The following MYRIP variants were observed in gnomAD, a reference collection of about 807,000 sequenced individuals.
MYRIP encodes rab effector MyRIP.
Under a neutral mutation model 98.0 loss-of-function variants are expected in MYRIP, and 49 were observed. That is an observed-to-expected ratio of 0.50 (90% CI 0.40 to 0.63). MYRIP has a LOEUF of 0.63. Among genes scored for constraint, MYRIP ranks in the 30% least tolerant of loss-of-function variants. MYRIP has a pLI of 0.00. For missense variants in MYRIP, 1,004 were observed against 1,058.2 expected, an observed-to-expected ratio of 0.95 and a Z score of 0.71; for synonymous variants, 404 against 409.5, an observed-to-expected ratio of 0.99 and a Z score of 0.16.
chr3:40,223,914 G>A (rs1166816334), intron 11 of MYRIP, among the ~76,000 whole-genome samples: 1 of 152,120 alleles, frequency 6.6e-6, no homozygotes, highest in African/African-American at 2.4e-5. Flanking sequence ...GCAGAGTCCT[G>A]GATAGTCATG....
intron 1 of MYRIP, among the ~76,000 whole-genome samples, chr3:39,850,015 A>G (rs912887920): frequency 3.3e-5 from 5 of 152,238 alleles, no homozygotes; most frequent in African/African-American, 1.2e-4. Flanking sequence ...GAGGGAAGGC[A>G]CAGAGGTCAA....
chr3:40,055,816 C>T (rs1302718744), intron 3 of MYRIP, among the ~76,000 whole-genome samples: 1 of 152,120 alleles, frequency 6.6e-6, no homozygotes, highest in East Asian at 1.9e-4. Context: ...GGACCAGGAT[C>T]TAGACAGCAA....
intron 3 of MYRIP, among the ~76,000 whole-genome samples, chr3:40,114,444 T>G (rs780630200): frequency 1.3e-5 from 2 of 152,212 alleles, no homozygotes; most frequent in African/African-American, 2.4e-5. Flanking sequence ...TCTTCATCAT[T>G]AAGTGATAAT....
chr3:39,951,482 C>A (rs556132283), intron 2 of MYRIP, among the ~76,000 whole-genome samples: 2 of 152,108 alleles, frequency 1.3e-5, no homozygotes, highest in East Asian at 3.9e-4. Context: ...TAGTAAATAC[C>A]ATAGACATTG....
At chr3:40,158,356 A>C (rs545682064) in intron 4 of MYRIP, among the ~76,000 whole-genome samples, 2 of 152,268 alleles carry the variant, frequency 1.3e-5, no homozygotes, top group South Asian at 2.1e-4. Flanking sequence ...CTGTGGTCTG[A>C]GAGACTGTTT....
At chr3:39,918,746 C>CA (rs1404127999) in intron 2 of MYRIP, among the ~76,000 whole-genome samples, 1 of 152,166 alleles carries the variant, frequency 6.6e-6, no homozygotes, top group African/African-American at 2.4e-5. Flanking sequence ...AATGGGGACT[C>CA]AGAGCATGAC....
intron 4 of MYRIP, among the ~76,000 whole-genome samples, chr3:40,158,306 T>C (rs993365657): frequency 6.6e-6 from 1 of 152,204 alleles, no homozygotes; most frequent in African/African-American, 2.4e-5. Context: ...TTGAGCGGTT[T>C]TGAGTGAGAT....
Position 40,036,349 on chromosome 3 carries a change from T to A in MYRIP, c.111-7701T>A, listed in dbSNP as rs140083154. Among the ~76,000 whole-genome samples, 4 of 142,478 alleles carry A rather than the reference T, an allele frequency of 2.8e-5. No individual in the cohort carries two copies. In the East Asian group the frequency reaches 8.4e-4, roughly 30 times the overall value. 93.5% of individuals were successfully genotyped at this position (142,478 alleles called of 152,430 possible). ...ACTTTATTCAAAATGAGCTGTCAAC[T>A]TGGAATTCTGCAGCCTTCTAAACTG... On this transcript the variant is annotated intron_variant, in intron 2 of 16. Transcript: ENST00000302541.
chr3:40,024,229 G>T (rs1947070453), intron 2 of MYRIP, among the ~76,000 whole-genome samples: 1 of 152,172 alleles, frequency 6.6e-6, no homozygotes, highest in African/African-American at 2.4e-5. Context: ...GCTCTTAAAT[G>T]AAGGATCCTG....
chr3:40,131,562 T>C (rs1949640532), intron 3 of MYRIP, among the ~76,000 whole-genome samples: 2 of 152,188 alleles, frequency 1.3e-5, no homozygotes, highest in African/African-American at 4.8e-5. Flanking sequence ...TAATACACTT[T>C]AGGGGATATG....
intron 3 of MYRIP, among the ~76,000 whole-genome samples, chr3:40,125,631 C>T (rs1559410839): frequency 1.3e-5 from 2 of 152,172 alleles, no homozygotes; most frequent in Non-Finnish European, 2.9e-5. Flanking sequence ...AGCTATGTGA[C>T]CTTGGTCATC....
intron 1 of MYRIP, among the ~76,000 whole-genome samples, chr3:39,873,797 G>A (rs1383626594): frequency 1.3e-5 from 2 of 151,996 alleles, no homozygotes; most frequent in Non-Finnish European, 2.9e-5. Context: ...TGTTCTTTTG[G>A]CTTAGGATTG....
chr3:40,080,796 T>C lies in MYRIP; in HGVS notation c.332+36525T>C, dbSNP rs992963185. 7.8e-3 allele frequency among the ~76,000 whole-genome samples: 646 copies of C among 82,842 alleles called. 1 individual carries two copies. Among genetic ancestry groups the C allele is most frequent in the African/African-American group, 0.022 (604 of 27,214 alleles). 54.3% of individuals were successfully genotyped at this position (82,842 alleles called of 152,430 possible). A position where few individuals can be genotyped will look rare whatever the true frequency, so the allele number is the denominator to read the frequency against. On this transcript the variant is annotated intron_variant, in intron 3 of 16. Coordinates refer to ENST00000302541, the MANE Select transcript of MYRIP (RefSeq NM_015460.4). Reference sequence around the variant, plus strand: ...ATTGTTTTCTATCCTAACTTCTTTTTTTTTTTTTTTTTTTTTTTGCTTCCA... The same window carrying C: ...ATTGTTTTCTATCCTAACTTCTTTTCTTTTTTTTTTTTTTTTTTGCTTCCA...
In MYRIP at chr3:39,887,127, T is replaced by C. The variant is rs1407910093; in HGVS notation, c.-30-13660T>C. ...CAAAATGAAGGCAGAAATAAAGATGTTCTTTGAAACCAACGAGAACAAAGA... is the reference window on the plus strand; with the variant it reads ...CAAAATGAAGGCAGAAATAAAGATGCTCTTTGAAACCAACGAGAACAAAGA... On this transcript the variant is annotated intron_variant, in intron 1 of 16. Coordinates refer to ENST00000302541, the MANE Select transcript of MYRIP (RefSeq NM_015460.4). Among the ~76,000 whole-genome samples, 7 of 151,998 alleles carry C rather than the reference T, an allele frequency of 4.6e-5. No homozygotes were observed. The South Asian group carries it at 1.3e-3, about 27-fold the overall frequency.
chr3:40,178,477 A>G (rs1221475584), intron 8 of MYRIP, among the ~76,000 whole-genome samples: 1 of 152,110 alleles, frequency 6.6e-6, no homozygotes, highest in Non-Finnish European at 1.5e-5. Context: ...ATGGAGGAGC[A>G]TCGAATTGGA....
intron 1 of MYRIP, among the ~76,000 whole-genome samples, chr3:39,829,223 C>T (rs75371210): frequency 5.9e-5 from 9 of 152,080 alleles, no homozygotes; most frequent in Non-Finnish European, 5.9e-5. Context: ...TTTCCCTGAT[C>T]GTCAGTATGA....
intron 8 of MYRIP, 44 bp from the exon 9 acceptor site, chr3:40,182,176 C>G (rs1413938941): frequency 6.5e-7 from 1 of 1,545,846 alleles, no homozygotes; most frequent in Admixed American, 1.9e-5. Flanking sequence ...CTCCCAGGCA[C>G]TGTACCTTAT....
At chr3:40,085,640 A>G (rs1948611016) in intron 3 of MYRIP, among the ~76,000 whole-genome samples, 1 of 152,222 alleles carries the variant, frequency 6.6e-6, no homozygotes, top group Admixed American at 6.5e-5. Context: ...AAATGGTAAA[A>G]GAAGGCATCC....
intron 2 of MYRIP, among the ~76,000 whole-genome samples, chr3:40,043,825 T>C (rs1474598961): frequency 1.3e-5 from 2 of 152,258 alleles, no homozygotes; most frequent in Non-Finnish European, 2.9e-5. Context: ...TGCTTTCTCA[T>C]AGAAAATCTG....
Sources: gnomAD v4.1 joint callset for allele counts (sites outside exome capture counted in the v4.1 genomes callset) on GRCh38, gnomAD v4.1.1 for gene constraint, MANE v1.5 for transcripts, NCBI Gene and HGNC (gene_info 2026-07-23, HGNC 2026-07-21) for gene names.